The following CYP7B1 variants were observed in gnomAD, a reference collection of about 807,000 sequenced individuals.
CYP7B1 encodes cytochrome P450 7B1.
In CYP7B1, 29 loss-of-function variants were observed where a neutral mutation model predicts 42.7. The observed-to-expected ratio is 0.68, with a 90% CI of 0.51 to 0.93. The LOEUF (loss-of-function observed/expected upper bound fraction) is 0.93. Ranked by LOEUF, CYP7B1 falls within the 40% of genes least tolerant of loss-of-function variation. The probability of loss-of-function intolerance (pLI) is 0.00; values close to 1 mark genes in which losing one functional copy is unlikely to be tolerated. For synonymous variants in CYP7B1, 235 were observed against 218.2 expected (o/e 1.08, Z -0.68); for missense variants, 655 against 600.5 (o/e 1.09, Z -0.95).
intron 1 of CYP7B1, among the ~76,000 whole-genome samples, chr8:64,777,432 G>C (rs1242729627): frequency 6.6e-6 from 1 of 152,046 alleles, no homozygotes; most frequent in African/African-American, 2.4e-5. Flanking sequence ...GTCTAATTAA[G>C]AAGTTGAAAA....
At chr8:64,699,755 A>G (rs1245167766) in intron 1 of CYP7B1, among the ~76,000 whole-genome samples, 2 of 152,158 alleles carry the variant, frequency 1.3e-5, no homozygotes, top group Non-Finnish European at 2.9e-5. Context: ...ATTTTAAAAA[A>G]AATTACTGGA....
At chr8:64,758,070 G>T (rs1476784353) in intron 1 of CYP7B1, among the ~76,000 whole-genome samples, 1 of 152,152 alleles carries the variant, frequency 6.6e-6, no homozygotes, top group Admixed American at 6.5e-5. Context: ...CTATGCACAA[G>T]CCTCTGCTTC....
At chr8:64,700,175 GCAAT>G (rs1349102429) in intron 1 of CYP7B1, among the ~76,000 whole-genome samples, 28 of 152,244 alleles carry the variant, frequency 1.8e-4, no homozygotes, top group Non-Finnish European at 3.1e-4. Flanking sequence ...ACTTAAAAGA[GCAAT>G]CAAACATGAG....
chr8:64,747,288 AT>A (rs1807658277), intron 1 of CYP7B1, among the ~76,000 whole-genome samples: 1 of 148,344 alleles, frequency 6.7e-6, no homozygotes, highest in Admixed American at 6.8e-5. Context: ...TGAATATAAT[AT>A]TAATATAATA....
intron 1 of CYP7B1, among the ~76,000 whole-genome samples, chr8:64,755,042 T>C (rs1807786635): frequency 6.6e-6 from 1 of 152,162 alleles, no homozygotes; most frequent in African/African-American, 2.4e-5. Context: ...TGGAGAGTCA[T>C]TGAGGCCTAT....
In CYP7B1 at chr8:64,716,334, G is replaced by A. The variant is rs541822655; in HGVS notation, c.122+82132C>T. 8.5e-5 allele frequency among the ~76,000 whole-genome samples: 13 copies of A among 152,258 alleles called. No homozygotes were observed. The Middle Eastern group carries it at 0.01, about 120-fold the overall frequency. On this transcript the variant is annotated intron_variant, in intron 1 of 5. Coordinates refer to ENST00000310193, the MANE Select transcript of CYP7B1 (RefSeq NM_004820.5). ...TCACTTCTCTCAGCAATGTTTCATAGTTTTTATCCAAGAAGTTATCATATC... is the reference window on the plus strand; with the variant it reads ...TCACTTCTCTCAGCAATGTTTCATAATTTTTATCCAAGAAGTTATCATATC...
intron 4 of CYP7B1, among the ~76,000 whole-genome samples, chr8:64,607,824 C>T (rs1805305055): frequency 6.6e-6 from 1 of 152,180 alleles, no homozygotes; most frequent in African/African-American, 2.4e-5. Context: ...TTAATTTATA[C>T]TAACATTTAG....
At chr8:64,754,480 C>A (rs1807777647) in intron 1 of CYP7B1, among the ~76,000 whole-genome samples, 1 of 152,086 alleles carries the variant, frequency 6.6e-6, no homozygotes, top group Non-Finnish European at 1.5e-5. Flanking sequence ...TTAAAACAAT[C>A]TTTAAATGTT....
At chr8:64,764,940 G>A (rs1250105990) in intron 1 of CYP7B1, among the ~76,000 whole-genome samples, 1 of 149,346 alleles carries the variant, frequency 6.7e-6, no homozygotes, top group Non-Finnish European at 1.5e-5. Context: ...ACCAGACCTA[G>A]ACAGGACGAT....
intron 1 of CYP7B1, among the ~76,000 whole-genome samples, chr8:64,682,731 C>T (rs1376000692): frequency 6.6e-6 from 1 of 152,194 alleles, no homozygotes; most frequent in African/African-American, 2.4e-5. Context: ...GTTGCAACAG[C>T]TCTTGATACC....
rs1001655345 is a variant in CYP7B1 at position 64,668,929 on chromosome 8, G to A, written c.123-44390C>T. Among the ~76,000 whole-genome samples the A allele has an allele frequency of 3.9e-5, 6 of 152,052 alleles. No individual in the cohort carries two copies. In the East Asian group the frequency reaches 5.8e-4, roughly 15 times the overall value. The stretch of plus-strand genomic sequence containing the variant: ...AGTATGAGTCTATGAAAATATGTTC[G>A]AATCCCATAACTGCTTTATAGGTTA... On this transcript the variant is annotated intron_variant, in intron 1 of 5. Transcript: ENST00000310193.
intron 1 of CYP7B1, among the ~76,000 whole-genome samples, chr8:64,784,843 T>C (rs932594199): frequency 3.3e-4 from 50 of 152,306 alleles, no homozygotes; most frequent in African/African-American, 1.2e-3. Context: ...ACTCCTTATA[T>C]ACAACATCAA....
intron 1 of CYP7B1, among the ~76,000 whole-genome samples, chr8:64,784,656 G>A (rs529868698): frequency 1.7e-4 from 26 of 152,212 alleles, no homozygotes; most frequent in East Asian, 1.3e-3. Flanking sequence ...TCAAATCCAG[G>A]AATGTTTGAT....
At chr8:64,666,678 C>T (rs1298196691) in intron 1 of CYP7B1, among the ~76,000 whole-genome samples, 1 of 152,196 alleles carries the variant, frequency 6.6e-6, no homozygotes, top group Non-Finnish European at 1.5e-5. Flanking sequence ...CAGAGCACCA[C>T]ACTGAAGTGA....
intron 5 of CYP7B1, among the ~76,000 whole-genome samples, chr8:64,599,878 T>G (rs1805176098): frequency 6.6e-6 from 1 of 152,214 alleles, no homozygotes; most frequent in Non-Finnish European, 1.5e-5. Flanking sequence ...TGTCTGGAAC[T>G]GCTATCAGGC....
chr8:64,779,991 T>G (rs546152500), intron 1 of CYP7B1, among the ~76,000 whole-genome samples: 1 of 152,148 alleles, frequency 6.6e-6, no homozygotes, highest in Non-Finnish European at 1.5e-5. Context: ...AATTTTCAGA[T>G]GCAGGAATGT....
chr8:64,753,473 T>C (rs1807760907), intron 1 of CYP7B1, among the ~76,000 whole-genome samples: 1 of 152,216 alleles, frequency 6.6e-6, no homozygotes, highest in African/African-American at 2.4e-5. Flanking sequence ...CACCAAGGAC[T>C]AATGTCCAGT....
chr8:64,730,751 G>GCACA (rs61050207), intron 1 of CYP7B1, among the ~76,000 whole-genome samples: 82,207 of 142,794 alleles, frequency 0.58, 24,994 homozygotes, highest in East Asian at 0.69. Context: ...AGGACTGTCT[G>GCACA]CACACACACA....
chr8:64,606,852 G>A (rs1585802221), intron 4 of CYP7B1, among the ~76,000 whole-genome samples: 1 of 152,160 alleles, frequency 6.6e-6, no homozygotes, highest in East Asian at 1.9e-4. Context: ...ACGTGGCTCT[G>A]CAGAATAACA....
Sources: gnomAD v4.1 joint callset for allele counts (sites outside exome capture counted in the v4.1 genomes callset) on GRCh38, gnomAD v4.1.1 for gene constraint, MANE v1.5 for transcripts, NCBI Gene and HGNC (gene_info 2026-07-23, HGNC 2026-07-21) for gene names.